The following CPEB1 variants were observed in gnomAD, a reference collection of about 807,000 sequenced individuals.
CPEB1 encodes cytoplasmic polyadenylation element-binding protein 1.
In CPEB1, 7 loss-of-function variants were observed where a neutral mutation model predicts 65.8. That is an observed-to-expected ratio of 0.11 (90% confidence interval 0.06 to 0.20). The LOEUF (loss-of-function observed/expected upper bound fraction) is 0.20, where lower values mean the gene tolerates loss of function less well. Ranked by LOEUF, CPEB1 falls within the 10% of genes least tolerant of loss-of-function variation. The pLI is 1.00. For synonymous variants in CPEB1, 262 were observed against 260.0 expected, an observed-to-expected ratio of 1.01 and a Z score of -0.08; for missense variants, 551 against 712.2, an observed-to-expected ratio of 0.77 and a Z score of 2.58.
intron 1 of CPEB1, among the ~76,000 whole-genome samples, chr15:82,637,132 T>C (rs2046725949): frequency 6.6e-6 from 1 of 152,206 alleles, no homozygotes; most frequent in Middle Eastern, 3.2e-3. Flanking sequence ...CTCCATTAAC[T>C]AGGGAACTTT....
At chr15:82,620,565 A>G (rs75356176) in intron 3 of CPEB1, among the ~76,000 whole-genome samples, 1,774 of 152,306 alleles carry the variant, frequency 0.012, 31 homozygotes, top group African/African-American at 0.039. Context: ...TCGGAAGCCA[A>G]GGCAAGGAAT....
At chr15:82,602,353 C>T (rs571246960) in intron 3 of CPEB1, among the ~76,000 whole-genome samples, 26 of 152,092 alleles carry the variant, frequency 1.7e-4, no homozygotes, top group South Asian at 6.2e-4. Context: ...CCATGCTGAG[C>T]GGGAAATTTA....
chr15:82,591,613 T>C (rs1244640119), intron 3 of CPEB1, among the ~76,000 whole-genome samples: 1 of 152,148 alleles, frequency 6.6e-6, no homozygotes, highest in Admixed American at 6.5e-5. Context: ...TTTCATATGC[T>C]TGTTGTCCAC....
chr15:82,642,143 T>C (rs1388424836), intron 1 of CPEB1, among the ~76,000 whole-genome samples: 1 of 152,252 alleles, frequency 6.6e-6, no homozygotes, highest in Non-Finnish European at 1.5e-5. Flanking sequence ...TTCTACGGAA[T>C]CTGTGCTCAC....
At chr15:82,620,177 G>A (rs986115474) in intron 3 of CPEB1, among the ~76,000 whole-genome samples, 5 of 152,170 alleles carry the variant, frequency 3.3e-5, no homozygotes, top group African/African-American at 1.2e-4. Context: ...GGGAAGCCAA[G>A]GCAGGCGGAT....
In CPEB1 at chr15:82,556,118, C is replaced by T. The variant is rs1312838117; in HGVS notation, c.692G>A (p.Ser231Asn). ...GGGCAGAGGTGGAGAAATGCGAAGG[C>T]TTGACTAGGGGAGGAAAAAGGAAGA... is the stretch of plus-strand genomic sequence containing the variant. ...GSDHLSDLIS[S>N]LRISPPLPFL... The change falls in exon 6 of 13, where the codon AGC becomes AAC. Residue 231 changes from serine (S) to asparagine (N), a missense_variant. Ser to Asn is a conservative substitution (Grantham distance 46). Transcript: ENST00000684509. The T allele has an allele frequency of 1.2e-6, 2 of 1,600,740 alleles. No homozygotes were observed. Among genetic ancestry groups the T allele is most frequent in the South Asian group, 1.1e-5 (1 of 87,646 alleles).
At chr15:82,554,320 T>C (rs1264417303) in intron 6 of CPEB1, among the ~76,000 whole-genome samples, 2 of 152,236 alleles carry the variant, frequency 1.3e-5, no homozygotes, top group Admixed American at 1.3e-4. Context: ...TATCCTGTTA[T>C]TGCTTACAGT....
chr15:82,598,106 A>ATT (rs2042801549), intron 3 of CPEB1, among the ~76,000 whole-genome samples: 2 of 152,174 alleles, frequency 1.3e-5, no homozygotes, highest in South Asian at 4.1e-4. Flanking sequence ...CTCCCTTGTA[A>ATT]TTTCCCATCC....
chr15:82,641,532 A>C (rs187959119), intron 1 of CPEB1: 1 of 152,352 alleles, frequency 6.6e-6, no homozygotes, highest in Admixed American at 6.5e-5. Flanking sequence ...TATGCTGGCC[A>C]AGAATAAAGA....
chr15:82,602,457 G>A (rs945865683), intron 3 of CPEB1, among the ~76,000 whole-genome samples: 1 of 152,162 alleles, frequency 6.6e-6, no homozygotes, highest in Non-Finnish European at 1.5e-5. Context: ...GCTCAGATGG[G>A]AGGATCACTT....
At chr15:82,584,415 CA>C (rs1284003950) in intron 3 of CPEB1, among the ~76,000 whole-genome samples, 1 of 152,014 alleles carries the variant, frequency 6.6e-6, no homozygotes, top group East Asian at 1.9e-4. Context: ...CGGTGGCTCA[CA>C]CCTGTAATCC....
chr15:82,630,431 CCT>C (rs1006673416), intron 1 of CPEB1, among the ~76,000 whole-genome samples: 17 of 152,216 alleles, frequency 1.1e-4, no homozygotes, highest in African/African-American at 3.9e-4. Flanking sequence ...ATGGCGAAAC[CCT>C]GTTTCTACAA....
Position 82,544,004 on chromosome 15 carries a change from G to C in CPEB1, c.*588C>G, listed in dbSNP as rs1175255999. The C allele has an allele frequency of 6.6e-6, 1 of 152,184 alleles. No homozygotes were observed. Among genetic ancestry groups the C allele is most frequent in the Non-Finnish European group, 1.5e-5 (1 of 68,024 alleles). 9.4% of individuals were successfully genotyped at this position (152,184 alleles called of 1,614,324 possible). ...AAGGAACCGGTAAAAACCCTCGAGC[G>C]TAAAATATGAAATATGATTTTGGTT... On this transcript the variant is annotated 3_prime_UTR_variant, in exon 13 of 13. Coordinates refer to ENST00000684509, the MANE Select transcript of CPEB1 (RefSeq NM_001365242.1).
At chr15:82,639,091 C>T (rs2046895694) in intron 1 of CPEB1, among the ~76,000 whole-genome samples, 1 of 152,196 alleles carries the variant, frequency 6.6e-6, no homozygotes, top group African/African-American at 2.4e-5. Context: ...ACTAGGCAGG[C>T]ATGGACCTAG....
chr15:82,634,417 T>C (rs1207567179), intron 1 of CPEB1, among the ~76,000 whole-genome samples: 4 of 152,210 alleles, frequency 2.6e-5, no homozygotes, highest in African/African-American at 4.8e-5. Flanking sequence ...AAATCTTTAC[T>C]TGGGGATACT....
rs1011915486 is a variant in CPEB1 at position 82,544,000 on chromosome 15, G to A, written c.*592C>T. 1.3e-5 allele frequency: 2 copies of A among 152,188 alleles called. No homozygotes were observed. Among genetic ancestry groups the A allele is most frequent in the Admixed American group, 6.6e-5 (1 of 15,254 alleles). The allele number at this position is 152,188 out of a possible 1,614,324, so 9.4% of individuals were successfully genotyped here. On this transcript the variant is annotated 3_prime_UTR_variant, in exon 13 of 13. Transcript: ENST00000684509. ...TAAAAAGGAACCGGTAAAAACCCTCGAGCGTAAAATATGAAATATGATTTT... is the reference window on the plus strand; with the variant it reads ...TAAAAAGGAACCGGTAAAAACCCTCAAGCGTAAAATATGAAATATGATTTT...
chr15:82,548,109 G>C (rs2035591568), intron 10 of CPEB1, among the ~76,000 whole-genome samples: 1 of 152,092 alleles, frequency 6.6e-6, no homozygotes, highest in African/African-American at 2.4e-5. Context: ...GGCCAAGGTG[G>C]GCGGATCATG....
intron 1 of CPEB1, chr15:82,638,611 A>G (rs1442930420): frequency 6.6e-6 from 1 of 152,196 alleles, no homozygotes; most frequent in Non-Finnish European, 1.5e-5. Flanking sequence ...AAAGTTGAAT[A>G]ACCATAGTTT....
intron 3 of CPEB1, among the ~76,000 whole-genome samples, chr15:82,613,678 G>A (rs900522244): frequency 2.0e-5 from 3 of 152,108 alleles, no homozygotes; most frequent in Non-Finnish European, 2.9e-5. Flanking sequence ...TTTTTTAAAA[G>A]CCTCTTGGCA....
Sources: allele counts gnomAD v4.1 joint callset (sites outside exome capture counted in the v4.1 genomes callset), GRCh38; gene constraint gnomAD v4.1.1; transcripts MANE v1.5; gene names NCBI Gene and HGNC (gene_info 2026-07-23, HGNC 2026-07-21).